REXO1: variants seen among roughly 807,000 people sequenced by gnomAD.
The protein encoded by REXO1 is REX1, RNA exonuclease 1 homolog.
Under a neutral mutation model 102.6 loss-of-function variants are expected in REXO1, and 42 were observed. The observed-to-expected ratio is 0.41, with a 90% CI of 0.32 to 0.53. The LOEUF is 0.53. REXO1 is among the 20% of genes least tolerant of loss of function. The pLI is 0.27. For missense variants in REXO1, 1,819 were observed against 1,732.5 expected (o/e 1.05, Z -0.89); for synonymous variants, 908 against 779.1 (o/e 1.17, Z -2.76).
intron 11 of REXO1, 157 bp downstream of exon 11, chr19:1,817,550 C>G: frequency 2.1e-6 from 3 of 1,447,668 alleles, no homozygotes; most frequent in Non-Finnish European, 2.8e-6. Context: ...GGCCTGGGGC[C>G]TACGGGTGCT....
intron 1 of REXO1, among the ~76,000 whole-genome samples, chr19:1,836,982 CA>C (rs758330511): frequency 3.9e-5 from 6 of 152,204 alleles, no homozygotes; most frequent in Non-Finnish European, 8.8e-5. Flanking sequence ...GACACTGCGG[CA>C]TGAGATAAGC....
chr19:1,831,803 C>T (rs2145298840), intron 1 of REXO1, among the ~76,000 whole-genome samples: 1 of 141,956 alleles, frequency 7.0e-6, no homozygotes, highest in Admixed American at 7.5e-5. Context: ...CAAGATTGAG[C>T]CATTGCACTC....
chr19:1,823,875 G>A (rs972102002), intron 3 of REXO1, 90 bp from the exon 4 acceptor site: 11 of 532,948 alleles, frequency 2.1e-5, no homozygotes, highest in Non-Finnish European at 3.1e-5. Flanking sequence ...GGTGGCTGGA[G>A]CTCGGGGGCC....
In REXO1 at chr19:1,828,400, C is replaced by A; in HGVS notation, c.389G>T (p.Arg130Leu). The A allele has an allele frequency of 1.9e-6, 3 of 1,607,480 alleles. No homozygotes were observed. The highest frequency in any genetic ancestry group is 2.5e-6 in the Non-Finnish European group (3 of 1,177,162). The change falls in exon 2 of 16, where the codon CGC (arginine) becomes CTC (leucine). Residue 130 changes from arginine to leucine, a missense_variant. Arg to Leu is a moderately radical substitution (Grantham distance 102). Transcript: ENST00000170168. ...RSAEAPALAP[R>L]GPNASPTVGP... is the part of the protein sequence containing the mutation. ...CACAGTGGGGCTGGCGTTGGGGCCG[C>A]GGGGCGCCAGGGCGGGGGCCTCGGC... is the stretch of plus-strand genomic sequence containing the variant.
Position 1,819,905 on chromosome 19 carries a change from G to A in REXO1, c.2650+29C>T, listed in dbSNP as rs760200237. On this transcript the variant is annotated intron_variant, in intron 7 of 15. Coordinates refer to ENST00000170168, the MANE Select transcript of REXO1 (RefSeq NM_020695.4). ...GCTGCCACCCCAAGAGCAACCCTGA[G>A]CCTCCCCCGCCCACCCGCCAGGACT... 8 of 1,537,108 alleles carry A rather than the reference G, an allele frequency of 5.2e-6. No individual in the cohort carries two copies. In the South Asian group the frequency reaches 8.8e-5, roughly 17 times the overall value.
chr19:1,821,744 C>CA (rs2069549261), intron 4 of REXO1, 62 bp from the exon 5 acceptor site: 1 of 1,496,598 alleles, frequency 6.7e-7, no homozygotes, highest in African/African-American at 1.4e-5. Context: ...CGTGGCGGAG[C>CA]ACCAGGCAGC....
intron 1 of REXO1, among the ~76,000 whole-genome samples, chr19:1,837,658 C>T (rs562645393): frequency 7.8e-4 from 119 of 152,314 alleles, no homozygotes; most frequent in African/African-American, 2.5e-3. Context: ...CCTGCAGCAG[C>T]GGCACCTGGG....
intron 1 of REXO1, among the ~76,000 whole-genome samples, chr19:1,837,298 C>T (rs1255568618): frequency 6.6e-6 from 1 of 152,180 alleles, no homozygotes; most frequent in Non-Finnish European, 1.5e-5. Context: ...CCTGGGGCCT[C>T]CCCTCCAACC....
chr19:1,819,151 G>A lies in REXO1; in HGVS notation c.2651-20C>T, dbSNP rs1370907302. ...TGGTTTCTGGAAGGAAGGGAGGGAG[G>A]GGAGGAGGGTGTGAAGTAGCTGGCT... is the stretch of plus-strand genomic sequence containing the variant. On this transcript the variant is annotated intron_variant, in intron 7 of 15. Transcript: ENST00000170168. The A allele has an allele frequency of 6.5e-7, 1 of 1,540,502 alleles. No homozygotes were observed. The highest frequency in any genetic ancestry group is 1.9e-5 in the Admixed American group (1 of 52,774).
rs1382026929 is a variant in REXO1, at chr19:1,826,533, G to A, written c.1911+345C>T. Among the ~76,000 whole-genome samples, 1 of 150,934 alleles carries A rather than the reference G, an allele frequency of 6.6e-6. No homozygotes were observed. The highest frequency in any genetic ancestry group is 2.4e-5 in the African/African-American group (1 of 41,010). On this transcript the variant is annotated intron_variant, in intron 2 of 15. Coordinates refer to ENST00000170168, the MANE Select transcript of REXO1 (RefSeq NM_020695.4). The surrounding 1 kb of genome is among the most constrained non-coding windows in gnomAD (Gnocchi z 4.3). Reference sequence around the variant, plus strand: ...AGGGAGGAAAGGGGAGGCGAGGGGAGAGGGGCTAGAAGGGTGTGCCGGAGG... The same window carrying A: ...AGGGAGGAAAGGGGAGGCGAGGGGAAAGGGGCTAGAAGGGTGTGCCGGAGG...
chr19:1,827,611 G>T lies in REXO1; in HGVS notation c.1178C>A (p.Ala393Asp), dbSNP rs761315978. The change falls in exon 2 of 16, where the codon GCC (alanine) becomes GAC (aspartate). Residue 393 changes from alanine (A) to aspartate (D), a missense_variant. Transcript: ENST00000170168. ...APPAPSCKDG[A>D]QGKDKTKDKG... ...GTCCTTGGTCTTGTCCTTCCCCTGG[G>T]CCCCGTCTTTGCAGCTGGGGGCAGG... 3.2e-6 allele frequency: 5 copies of T among 1,581,384 alleles called. No homozygotes were observed. Among genetic ancestry groups the T allele is most frequent in the East Asian group, 4.5e-5 (2 of 44,744 alleles).
rs1403266307 is a variant in REXO1, at chr19:1,830,629, C to G, written c.158-1998G>C. 3 of 170,348 alleles carry G rather than the reference C, an allele frequency of 1.8e-5. No individual in the cohort carries two copies. In the East Asian group the frequency reaches 5.7e-4, roughly 32 times the overall value. 10.6% of individuals were successfully genotyped at this position (170,348 alleles called of 1,614,324 possible). A position where few individuals can be genotyped will look rare whatever the true frequency, so the allele number is the denominator to read the frequency against. On this transcript the variant is annotated intron_variant, in intron 1 of 15. Coordinates refer to ENST00000170168, the MANE Select transcript of REXO1 (RefSeq NM_020695.4). ...AAATGGCGCCAAAGACGTCTGCGTC[C>G]TAATTCCTGGAACCTGTAGATGGTA...
rs569506558 is a variant in REXO1, at chr19:1,819,239, C to T, written c.2651-108G>A. The T allele has an allele frequency of 6.4e-6, 5 of 787,320 alleles. No homozygotes were observed. The East Asian group carries it at 1.1e-4, about 18-fold the overall frequency. The allele number at this position is 787,320 out of a possible 1,614,324, so 48.8% of individuals were successfully genotyped here. A position where few individuals can be genotyped will look rare whatever the true frequency, so the allele number is the denominator to read the frequency against. On this transcript the variant is annotated intron_variant, in intron 7 of 15. Coordinates refer to ENST00000170168, the MANE Select transcript of REXO1 (RefSeq NM_020695.4). ...CCTCCTCAGACCTCTGCCTCAACTC[C>T]CCCTTTCTGGGACAGCACCCCACTG...
At chr19:1,817,517 G>A in intron 11 of REXO1, 188 bp from the exon 12 acceptor site, 1 of 1,463,752 alleles carries the variant, frequency 6.8e-7, no homozygotes, top group South Asian at 1.4e-5. Flanking sequence ...CGGCTTCCCA[G>A]GATGGGAAGT....
Position 1,840,948 on chromosome 19 carries a change from G to A in REXO1, c.157+7254C>T, listed in dbSNP as rs373907366. On this transcript the variant is annotated intron_variant, in intron 1 of 15. Transcript: ENST00000170168. ...CCCCAACCACTCCTTTCCTGAGGCC[G>A]GAAGCAGGGGCAGGTCCCAGAACCC... 1.3e-4 allele frequency among the ~76,000 whole-genome samples: 20 copies of A among 152,328 alleles called. No individual in the cohort carries two copies. The South Asian group carries it at 3.9e-3, about 30-fold the overall frequency.
At chr19:1,836,243 G>T (rs1430540640) in intron 1 of REXO1, among the ~76,000 whole-genome samples, 1 of 152,210 alleles carries the variant, frequency 6.6e-6, no homozygotes, top group African/African-American at 2.4e-5. Flanking sequence ...CTGAAAGGCA[G>T]CAAAAATGAC....
At chr19:1,818,036 A>G (rs560065401) in intron 10 of REXO1, among the ~76,000 whole-genome samples, 70 of 152,296 alleles carry the variant, frequency 4.6e-4, no homozygotes, top group African/African-American at 1.6e-3. Flanking sequence ...AGCACCCTCC[A>G]GGTATCCCTG....
chr19:1,847,853 G>A (rs972626809), intron 1 of REXO1, among the ~76,000 whole-genome samples: 1 of 152,166 alleles, frequency 6.6e-6, no homozygotes, highest in Admixed American at 6.5e-5. Flanking sequence ...AGGGGCAGGA[G>A]GAGTCCAGGA....
chr19:1,835,359 A>G (rs554800928), intron 1 of REXO1, among the ~76,000 whole-genome samples: 1 of 152,194 alleles, frequency 6.6e-6, no homozygotes, highest in South Asian at 2.1e-4. Flanking sequence ...CCTGGCCAAC[A>G]TGGTGAAACT....
Sources: allele counts gnomAD v4.1 joint callset (sites outside exome capture counted in the v4.1 genomes callset), GRCh38; gene constraint gnomAD v4.1.1; non-coding constraint Gnocchi (gnomAD v3.1); transcripts MANE v1.5; gene names NCBI Gene and HGNC (gene_info 2026-07-23, HGNC 2026-07-21).